Variants in C4orf50 observed in about 807,000 individuals in gnomAD.
C4orf50 encodes the protein uncharacterized protein C4orf50.
Under a neutral mutation model 77.2 loss-of-function variants are expected in C4orf50, and 80 were observed. That is an observed-to-expected ratio of 1.04 (90% CI 0.87 to 1.25). The LOEUF (loss-of-function observed/expected upper bound fraction) is 1.25, where lower values mean the gene tolerates loss of function less well. C4orf50 is among the 50% of genes most tolerant of loss of function. C4orf50 has a pLI of 0.00. For missense variants in C4orf50, 1,257 were observed against 1,152.9 expected (o/e 1.09, Z -1.31); for synonymous variants, 532 against 465.3 (o/e 1.14, Z -1.84).
chr4:5,978,035 A>G (rs567413938), intron 29 of C4orf50, among the ~76,000 whole-genome samples: 5 of 152,376 alleles, frequency 3.3e-5, no homozygotes, highest in Admixed American at 1.3e-4. Flanking sequence ...TTCTTCAAAT[A>G]CGACATACAA....
chr4:5,924,907 G>T (rs1457731820), intron 7 of C4orf50, among the ~76,000 whole-genome samples: 1 of 152,208 alleles, frequency 6.6e-6, no homozygotes, highest in Non-Finnish European at 1.5e-5. Context: ...TGGCCGCCAG[G>T]TGCCAGGGCA....
rs908446290 is a variant in C4orf50, at chr4:6,011,644, C to T, written c.426+186G>A. On this transcript the variant is annotated intron_variant, in intron 24 of 33. Coordinates refer to ENST00000531445, the Ensembl canonical transcript of C4orf50. This position sits in a 1 kb window ranked among gnomAD's most constrained non-coding sequence, Gnocchi z 4.2. ...CCAGCAAGTGTACAGCCCCCACCCC[C>T]ACATCCCTGCATGCCCCAGGCCCCG... 5.3e-5 allele frequency among the ~76,000 whole-genome samples: 8 copies of T among 152,194 alleles called. No individual in the cohort carries two copies. The highest frequency in any genetic ancestry group is 3.3e-4 in the Admixed American group (5 of 15,278).
rs987353235 is a variant in C4orf50, at chr4:5,973,930, C to T, written c.3922-89G>A. On this transcript the variant is annotated intron_variant, in intron 30 of 33. Transcript: ENST00000531445. ...CTGGGGGCCGGAGGGTCAGCTGAGGCCCCTACTCACCATCCCCAGCCCTGC... is the reference window on the plus strand; with the variant it reads ...CTGGGGGCCGGAGGGTCAGCTGAGGTCCCTACTCACCATCCCCAGCCCTGC... The T allele has an allele frequency of 9.7e-6, 10 of 1,030,736 alleles. No individual in the cohort carries two copies. The African/African-American group carries it at 1.3e-4, about 13-fold the overall frequency. The allele number at this position is 1,030,736 out of a possible 1,614,324, so 63.8% of individuals were successfully genotyped here. A position where few individuals can be genotyped will look rare whatever the true frequency, so the allele number is the denominator to read the frequency against.
At chr4:5,928,443 A>C (rs1348561052) in intron 7 of C4orf50, among the ~76,000 whole-genome samples, 3 of 152,060 alleles carry the variant, frequency 2.0e-5, no homozygotes, top group African/African-American at 7.2e-5. Flanking sequence ...CCAGGTCACC[A>C]AGGGAGTTCG....
chr4:5,985,142 GA>G lies in C4orf50; in HGVS notation c.3699+3204del, dbSNP rs149832110. On this transcript the variant is annotated intron_variant, in intron 28 of 33. Coordinates refer to ENST00000531445, the Ensembl canonical transcript of C4orf50. ...CCTAAAATTCAGAATCCAATGGGAA[GA>G]AAAAAAATTTAATGAAGGTTAAAAA... Among the ~76,000 whole-genome samples the G allele has an allele frequency of 3.7e-3, 560 of 151,504 alleles. 2 individuals are homozygous for G. Among genetic ancestry groups the G allele is most frequent in the African/African-American group, 0.013 (530 of 41,320 alleles).
chr4:6,007,432 A>T lies in C4orf50; in HGVS notation c.963+564T>A, dbSNP rs76230350. Among the ~76,000 whole-genome samples, 1,238 of 152,254 alleles carry T rather than the reference A, an allele frequency of 8.1e-3. 13 individuals are homozygous for T. Among genetic ancestry groups the T allele is most frequent in the South Asian group, 0.012 (56 of 4,830 alleles). ...CCTGCCCTGTGAGGACCTAGTGAGAAGGCACCATCTGTGAACCAGGAAGCA... is the reference window on the plus strand; with the variant it reads ...CCTGCCCTGTGAGGACCTAGTGAGATGGCACCATCTGTGAACCAGGAAGCA... On this transcript the variant is annotated intron_variant, in intron 25 of 33. Transcript: ENST00000531445. This position sits in a 1 kb window ranked among gnomAD's most constrained non-coding sequence, Gnocchi z 4.1.
exon 28 of C4orf50, chr4:5,988,681 TGGA>T: frequency 6.5e-7 from 1 of 1,536,118 alleles, no homozygotes. Flanking sequence ...GGCTTTTCCC[TGGA>T]GGTGCTCCCT....
At chr4:5,964,432 T>C (rs979741588) in intron 33 of C4orf50, among the ~76,000 whole-genome samples, 2 of 131,900 alleles carry the variant, frequency 1.5e-5, no homozygotes, top group Non-Finnish European at 1.7e-5. Flanking sequence ...GGCCTCAAAT[T>C]GTGTCATCAA....
intron 31 of C4orf50, among the ~76,000 whole-genome samples, chr4:5,972,299 G>A (rs942279373): frequency 2.0e-5 from 3 of 152,106 alleles, no homozygotes; most frequent in East Asian, 3.9e-4. Flanking sequence ...CACCGCGCCC[G>A]GCCTGCTTTC....
chr4:5,916,530 C>T lies in C4orf50; in HGVS notation c.*2475-18342G>A, dbSNP rs1717034766. Among the ~76,000 whole-genome samples the T allele has an allele frequency of 6.6e-6, 1 of 152,188 alleles. No homozygotes were observed. The highest frequency in any genetic ancestry group is 2.4e-5 in the African/African-American group (1 of 41,438). ...AGGTTGCCTTCAGGGCAGGGTGACT[C>T]ACCCAAGGGCAAAGCTATTACTCTG... is the stretch of plus-strand genomic sequence containing the variant. On this transcript the variant is annotated intron_variant, in intron 7 of 7. Coordinates refer to the C4orf50 transcript ENST00000324058. The surrounding 1 kb of genome is among the most constrained non-coding windows in gnomAD (Gnocchi z 4.4).
chr4:5,953,800 G>A (rs1464675653), downstream of C4orf50, among the ~76,000 whole-genome samples: 1 of 152,204 alleles, frequency 6.6e-6, no homozygotes, highest in Non-Finnish European at 1.5e-5. Flanking sequence ...CACTGTGCTG[G>A]GCCACACAGT....
rs771656045 is a variant in C4orf50 at position 6,011,280 on chromosome 4, A to T, written c.426+550T>A. Among the ~76,000 whole-genome samples the T allele has an allele frequency of 5.3e-5, 8 of 151,860 alleles. No homozygotes were observed. The highest frequency in any genetic ancestry group is 1.0e-4 in the Non-Finnish European group (7 of 67,958). On this transcript the variant is annotated intron_variant, in intron 24 of 33. Coordinates refer to ENST00000531445, the Ensembl canonical transcript of C4orf50. This position sits in a 1 kb window ranked among gnomAD's most constrained non-coding sequence, Gnocchi z 4.2. ...TGGCCCCTCTGGAACTTTCCGACTC[A>T]CCCACTCCGTCCCCAGCACGGTGAT...
At chr4:5,949,561 C>G (rs1380464964) in intron 7 of C4orf50, among the ~76,000 whole-genome samples, 1 of 152,166 alleles carries the variant, frequency 6.6e-6, no homozygotes, top group Non-Finnish European at 1.5e-5. Flanking sequence ...TGAAGAGTTA[C>G]TGTTTAATGG....
intron 7 of C4orf50, among the ~76,000 whole-genome samples, chr4:5,909,037 T>A (rs1426921494): frequency 6.6e-6 from 1 of 152,096 alleles, no homozygotes; most frequent in Non-Finnish European, 1.5e-5. Context: ...CACAATCCAC[T>A]CTACACAGCA....
intron 33 of C4orf50, among the ~76,000 whole-genome samples, chr4:5,962,546 G>A (rs1430473515): frequency 6.6e-6 from 1 of 152,216 alleles, no homozygotes; most frequent in East Asian, 1.9e-4. Context: ...GAACTTTGAG[G>A]GAGGGAAGAG....
At chr4:5,980,123 G>C in intron 29 of C4orf50, 51 bp downstream of exon 7, 1 of 1,494,744 alleles carries the variant, frequency 6.7e-7, no homozygotes, top group South Asian at 1.3e-5. Context: ...AAAACGCCCC[G>C]GGGTGTGGGA....
chr4:6,004,208 GA>G (rs1560598730), intron 25 of C4orf50, among the ~76,000 whole-genome samples: 1 of 108,580 alleles, frequency 9.2e-6, no homozygotes, highest in African/African-American at 3.3e-5. Flanking sequence ...TGATGGTGAT[GA>G]TGGTGATGGT....
chr4:6,012,512 A>T (rs1421633690), intron 23 of C4orf50, among the ~76,000 whole-genome samples: 2 of 152,198 alleles, frequency 1.3e-5, no homozygotes, highest in Admixed American at 1.3e-4. Context: ...AATGATTGAA[A>T]TTCAGAAAAA....
chr4:6,004,149 G>T (rs1292760305), intron 25 of C4orf50, among the ~76,000 whole-genome samples: 1 of 37,280 alleles, frequency 2.7e-5, no homozygotes. Context: ...GGTGATGATG[G>T]TGATGGTGAT....
Sources: gnomAD v4.1 joint callset for allele counts (sites outside exome capture counted in the v4.1 genomes callset) on GRCh38, gnomAD v4.1.1 for gene constraint, Gnocchi (gnomAD v3.1) non-coding constraint, MANE v1.5 for transcripts, NCBI Gene and HGNC (gene_info 2026-07-23, HGNC 2026-07-21) for gene names.